The following TRHDE variants were observed in gnomAD, a reference collection of about 807,000 sequenced individuals.
The protein encoded by TRHDE is thyrotropin releasing hormone degrading enzyme.
A neutral mutation model predicts 125.7 loss-of-function variants in TRHDE; 72 were observed. The observed-to-expected ratio is 0.57, with a 90% confidence interval of 0.47 to 0.70. The LOEUF is 0.70. Among genes scored for constraint, TRHDE ranks in the 30% least tolerant of loss-of-function variants. TRHDE has a pLI of 0.00. For missense variants in TRHDE, 1,110 were observed against 1,327.1 expected (o/e 0.84, Z 2.54); for synonymous variants, 509 against 509.1 (o/e 1.00, Z 0.00).
intron 6 of TRHDE, among the ~76,000 whole-genome samples, chr12:72,516,108 G>T (rs1387274653): frequency 6.6e-6 from 1 of 151,764 alleles, no homozygotes; most frequent in African/African-American, 2.4e-5. Flanking sequence ...TTTGGCTTAG[G>T]ATTAACTTGG....
intron 3 of TRHDE, among the ~76,000 whole-genome samples, chr12:72,394,872 G>A (rs1241507722): frequency 6.6e-6 from 1 of 152,018 alleles, no homozygotes; most frequent in Non-Finnish European, 1.5e-5. Flanking sequence ...TTAATCTACT[G>A]TTACCTCCCA....
chr12:72,521,915 A>G (rs1457940450), intron 6 of TRHDE, among the ~76,000 whole-genome samples: 1 of 152,206 alleles, frequency 6.6e-6, no homozygotes, highest in Non-Finnish European at 1.5e-5. Flanking sequence ...CCAGTTTGAA[A>G]TGAGTGTGGT....
chr12:72,559,571 A>C (rs1373901112), intron 7 of TRHDE, among the ~76,000 whole-genome samples: 2 of 151,986 alleles, frequency 1.3e-5, no homozygotes, highest in Non-Finnish European at 2.9e-5. Context: ...TCTTTATTTG[A>C]TTCCTTACAA....
At chr12:72,601,414 T>C (rs149489465) in intron 12 of TRHDE, among the ~76,000 whole-genome samples, 47 of 152,284 alleles carry the variant, frequency 3.1e-4, no homozygotes, top group Non-Finnish European at 5.4e-4. Flanking sequence ...TTTGTTAAAA[T>C]GACAACTAAG....
At chr12:72,246,708 C>T (rs1452762997) in intron 2 of TRHDE, among the ~76,000 whole-genome samples, 1 of 152,140 alleles carries the variant, frequency 6.6e-6, no homozygotes, top group Non-Finnish European at 1.5e-5. Context: ...TTGGTTAGTT[C>T]TAATACTTTG....
intron 7 of TRHDE, among the ~76,000 whole-genome samples, chr12:72,558,999 T>C (rs1870051086): frequency 6.6e-6 from 1 of 152,144 alleles, no homozygotes; most frequent in Non-Finnish European, 1.5e-5. Flanking sequence ...TGTTCTGATT[T>C]CTTAAATGAT....
At chr12:72,385,423 C>T (rs925030871) in intron 3 of TRHDE, among the ~76,000 whole-genome samples, 4 of 151,736 alleles carry the variant, frequency 2.6e-5, no homozygotes, top group African/African-American at 9.7e-5. Flanking sequence ...ACCTTTTCCG[C>T]CATCTTTAAA....
chr12:72,537,125 T>A (rs1045985453), intron 6 of TRHDE, among the ~76,000 whole-genome samples: 3 of 152,120 alleles, frequency 2.0e-5, no homozygotes, highest in African/African-American at 7.2e-5. Flanking sequence ...GTAAACTTTA[T>A]GCCTCAATTT....
chr12:72,202,375 T>C (rs932891305), intron 2 of TRHDE, among the ~76,000 whole-genome samples: 1 of 152,232 alleles, frequency 6.6e-6, no homozygotes, highest in East Asian at 1.9e-4. Flanking sequence ...TAATATGAAT[T>C]TGGCATAGTC....
rs1592605581 is a variant in TRHDE, at chr12:72,670,599, C to T, written c.*7404C>T. ...AGTATATATATTATAGAGGTCCATG[C>T]AAATGGAAAAAAATTATTCTCTTCT... On this transcript the variant is annotated 3_prime_UTR_variant, in exon 19 of 19. Transcript: ENST00000261180. The T allele has an allele frequency of 6.6e-6, 1 of 151,488 alleles. No individual in the cohort carries two copies. Among genetic ancestry groups the T allele is most frequent in the South Asian group, 2.1e-4 (1 of 4,818 alleles). The allele number at this position is 151,488 out of a possible 1,614,324, so 9.4% of individuals were successfully genotyped here.
intron 2 of TRHDE, among the ~76,000 whole-genome samples, chr12:72,301,732 T>C (rs535501095): frequency 1.4e-4 from 21 of 152,166 alleles, no homozygotes; most frequent in Non-Finnish European, 2.6e-4. Flanking sequence ...TCAAAGTGCT[T>C]GACACATAGG....
chr12:72,503,943 C>G (rs1201733147), intron 6 of TRHDE, among the ~76,000 whole-genome samples: 1 of 151,964 alleles, frequency 6.6e-6, no homozygotes, highest in African/African-American at 2.4e-5. Flanking sequence ...TGAGCTCATC[C>G]TCTGTGATGT....
At chr12:72,215,581 A>G (rs189246372) in intron 2 of TRHDE, among the ~76,000 whole-genome samples, 165 of 152,224 alleles carry the variant, frequency 1.1e-3, no homozygotes, top group Middle Eastern at 3.4e-3. Flanking sequence ...ATCTTCAGCT[A>G]CCCTTACCAA....
intron 7 of TRHDE, among the ~76,000 whole-genome samples, chr12:72,550,191 T>C (rs1184974938): frequency 6.6e-6 from 1 of 151,916 alleles, no homozygotes; most frequent in Non-Finnish European, 1.5e-5. Flanking sequence ...TATGTTAGTA[T>C]GTGTAAATCT....
At chr12:72,396,750 A>G (rs1018048223) in intron 3 of TRHDE, among the ~76,000 whole-genome samples, 2 of 152,092 alleles carry the variant, frequency 1.3e-5, no homozygotes, top group African/African-American at 4.8e-5. Context: ...CTCAAAACAA[A>G]CAAACAAACA....
chr12:72,251,438 T>C (rs1041425231), intron 2 of TRHDE, among the ~76,000 whole-genome samples: 2 of 130,936 alleles, frequency 1.5e-5, no homozygotes, highest in Non-Finnish European at 1.7e-5. Flanking sequence ...TTTTTTTTTT[T>C]CACTCAGCAC....
At chr12:72,106,062 T>TG (rs1875179795) in intron 2 of TRHDE, among the ~76,000 whole-genome samples, 1 of 152,104 alleles carries the variant, frequency 6.6e-6, no homozygotes, top group South Asian at 2.1e-4. Flanking sequence ...GAATGTGGCC[T>TG]GGGGAGTAAC....
At chr12:72,564,316 C>T (rs1299663784) in intron 9 of TRHDE, among the ~76,000 whole-genome samples, 1 of 152,078 alleles carries the variant, frequency 6.6e-6, no homozygotes, top group Non-Finnish European at 1.5e-5. Flanking sequence ...ATGTCTGGCC[C>T]CAGGCAAAAC....
chr12:72,238,297 T>TATAC (rs1878383676), intron 2 of TRHDE, among the ~76,000 whole-genome samples: 1 of 31,060 alleles, frequency 3.2e-5, no homozygotes, highest in Non-Finnish European at 6.9e-5. Context: ...TATATATATA[T>TATAC]ATATATATAT....
Sources: allele counts gnomAD v4.1 joint callset (sites outside exome capture counted in the v4.1 genomes callset), GRCh38; gene constraint gnomAD v4.1.1; transcripts MANE v1.5; gene names NCBI Gene and HGNC (gene_info 2026-07-23, HGNC 2026-07-21).